MESD: variants seen among roughly 807,000 people sequenced by gnomAD.
MESD encodes mesoderm development LRP chaperone.
In MESD, 7 loss-of-function variants were observed where a neutral mutation model predicts 12.9. That is an observed-to-expected ratio of 0.54 (90% CI 0.31 to 1.02). The LOEUF (loss-of-function observed/expected upper bound fraction) is 1.02, where lower values mean the gene tolerates loss of function less well. MESD is among the 50% of genes least tolerant of loss of function. MESD has a pLI of 0.05. For synonymous variants in MESD, 126 were observed against 115.6 expected (o/e 1.09, Z -0.58); for missense variants, 342 against 296.7 (o/e 1.15, Z -1.12).
At chr15:80,971,876 G>C (rs1341684101), downstream of MESD, among the ~76,000 whole-genome samples, 1 of 151,830 alleles carries the variant, frequency 6.6e-6, no homozygotes, top group African/African-American at 2.4e-5. Flanking sequence ...ATTAAGCCCG[G>C]GAGGTGAAGG....
intron 4 of MESD, chr15:80,948,942 T>A (rs1053904342): frequency 6.2e-7 from 1 of 1,614,114 alleles, no homozygotes; most frequent in Non-Finnish European, 8.5e-7. Flanking sequence ...TGCCGCCCGG[T>A]GCCACCTCGT....
Position 80,982,175 on chromosome 15 carries a change from T to A in MESD, c.221A>T (p.Asp74Val). The change falls in exon 2 of 3, where the codon GAT becomes GTT. Residue 74 changes from aspartate to valine, a missense_variant. Transcript: ENST00000261758. ...ARLLEQWEKDDDIEEGDLPEH... is the reference protein window; with the variant it reads ...ARLLEQWEKDVDIEEGDLPEH... ...TGGAAGATCTCCTTCTTCAATGTCA[T>A]CATCTTTCTATCAGATTAGGGGAAA... is the stretch of plus-strand genomic sequence containing the variant. 6.2e-7 allele frequency: 1 copy of A among 1,613,558 alleles called. No homozygotes were observed. Among genetic ancestry groups the A allele is most frequent in the Non-Finnish European group, 8.5e-7 (1 of 1,179,528 alleles).
chr15:80,948,706 T>TG, exon 5 of MESD: 4 of 1,559,906 alleles, frequency 2.6e-6, no homozygotes, highest in Non-Finnish European at 3.5e-6. Flanking sequence ...CTGGTGGGCG[T>TG]GGGGGGCTGG....
chr15:80,975,559 GAA>G (rs1902388176), downstream of MESD, among the ~76,000 whole-genome samples: 1 of 151,894 alleles, frequency 6.6e-6, no homozygotes, highest in African/African-American at 2.4e-5. Context: ...AGGGACACAG[GAA>G]AAAGTTTGTG....
chr15:80,978,238 T>C lies in MESD; in HGVS notation c.*981A>G, dbSNP rs1902472113. 1 of 152,198 alleles carries C rather than the reference T, an allele frequency of 6.6e-6. No individual in the cohort carries two copies. The highest frequency in any genetic ancestry group is 2.1e-4 in the South Asian group (1 of 4,832). The allele number at this position is 152,198 out of a possible 1,614,324, so 9.4% of individuals were successfully genotyped here. A position where few individuals can be genotyped will look rare whatever the true frequency, so the allele number is the denominator to read the frequency against. On this transcript the variant is annotated 3_prime_UTR_variant, in exon 3 of 3. Coordinates refer to ENST00000261758, the MANE Select transcript of MESD (RefSeq NM_015154.3). ...TACTTTTAATTTATTAAAATCACAA[T>C]TGAGGGTTTTTCCCAAAGAATTTTA... is the stretch of plus-strand genomic sequence containing the variant.
downstream of MESD, among the ~76,000 whole-genome samples, chr15:80,975,258 G>A (rs1567123619): frequency 1.3e-5 from 2 of 151,582 alleles, no homozygotes; most frequent in South Asian, 2.1e-4. Flanking sequence ...AGTGGTGCAT[G>A]CTTGTAGTCC....
chr15:80,982,313 G>A, intron 1 of MESD, 131 bp from the exon 2 acceptor site: 3 of 700,632 alleles, frequency 4.3e-6, no homozygotes, highest in Non-Finnish European at 4.8e-6. Flanking sequence ...GGAAAACCAG[G>A]GGTTTTCTTC....
downstream of MESD, among the ~76,000 whole-genome samples, chr15:80,973,397 G>C (rs892840287): frequency 1.3e-5 from 2 of 151,948 alleles, no homozygotes; most frequent in African/African-American, 4.8e-5. Context: ...AAATTCGCCG[G>C]GTGTAGTGGC....
At chr15:80,973,043 A>T (rs979626029), downstream of MESD, among the ~76,000 whole-genome samples, 3 of 152,066 alleles carry the variant, frequency 2.0e-5, no homozygotes, top group African/African-American at 7.2e-5. Context: ...AAACAAAAAA[A>T]ACAAAAACCT....
intron 1 of MESD, among the ~76,000 whole-genome samples, chr15:80,985,922 T>C (rs1455353204): frequency 6.6e-6 from 1 of 152,118 alleles, no homozygotes; most frequent in African/African-American, 2.4e-5. Flanking sequence ...TCCAAAGTGC[T>C]GGGGTTACAG....
rs1021983515 is a variant in MESD at position 80,979,537 on chromosome 15, G to A, written c.447-60C>T. On this transcript the variant is annotated intron_variant, in intron 2 of 2. Transcript: ENST00000261758. ...GTACTAGTAAGGTGCTAAGGGGTCA[G>A]AGCAATTCTCTGGCACTTATCAGTT... 1.8e-5 allele frequency: 28 copies of A among 1,547,208 alleles called. No individual in the cohort carries two copies. In the African/African-American group the frequency reaches 3.9e-4, roughly 21 times the overall value.
intron 4 of MESD, chr15:80,949,827 T>G (rs976814008): frequency 7.2e-5 from 11 of 152,122 alleles, no homozygotes; most frequent in Non-Finnish European, 4.4e-5. Context: ...CTTACAGGAA[T>G]GAAGGCTGGG....
At chr15:80,956,212 T>TA (rs1166873983) in intron 3 of MESD, among the ~76,000 whole-genome samples, 1 of 151,736 alleles carries the variant, frequency 6.6e-6, no homozygotes, top group Non-Finnish European at 1.5e-5. Context: ...TAAAATAAAA[T>TA]AAAAAAGACC....
In MESD at chr15:80,982,042, G is replaced by A. The variant is rs767398679; in HGVS notation, c.354C>T (p.Val118=). Residue 118 remains valine, a synonymous_variant, in exon 2 of 3, where the codon GTC becomes GTT. Coordinates refer to ENST00000261758, the MANE Select transcript of MESD (RefSeq NM_015154.3). The part of the protein sequence containing the change: ...TKKGKTLMMF[V]TVSGSPTEKE... ...TCTCAGTAGGGCTTCCTGATACAGT[G>A]ACAAACATCATGAGAGTCTTCCCTT... The A allele has an allele frequency of 5.6e-6, 9 of 1,614,008 alleles. No homozygotes were observed. Among genetic ancestry groups the A allele is most frequent in the Non-Finnish European group, 7.6e-6 (9 of 1,180,026 alleles).
At chr15:80,987,369 T>TAC in intron 1 of MESD, among the ~76,000 whole-genome samples, 1 of 152,328 alleles carries the variant, frequency 6.6e-6, no homozygotes, top group African/African-American at 2.4e-5. Context: ...GTAGAGCGTC[T>TAC]ACAAACATTA....
At position 80,959,251 on chromosome 15, in the gene MESD, G is replaced by A. The variant is rs547445377; in HGVS notation, c.*289-6955C>T. On this transcript the variant is annotated intron_variant, in intron 3 of 4. Transcript: ENST00000561312. ...AGGGTAGAGGTTGAAGGTGCCTCTC[G>A]CCCAGAGATGACCGAAGGTAGATGG... Among the ~76,000 whole-genome samples the A allele has an allele frequency of 1.8e-3, 276 of 152,292 alleles. 1 individual carries two copies. The highest frequency in any genetic ancestry group is 5.6e-3 in the African/African-American group (234 of 41,550).
rs145361963 is a variant in MESD at position 80,964,947 on chromosome 15, T to A, written c.*289-12651A>T. 8.3e-3 allele frequency among the ~76,000 whole-genome samples: 1,256 copies of A among 152,182 alleles called. 20 individuals carry two copies. The highest frequency in any genetic ancestry group is 0.029 in the African/African-American group (1,201 of 41,532). Reference sequence around the variant, plus strand: ...AAGCAATGGCAACTAAAGCCAAAATTGACAAATGGGATCTAATTAAATTAA... The same window carrying A: ...AAGCAATGGCAACTAAAGCCAAAATAGACAAATGGGATCTAATTAAATTAA... On this transcript the variant is annotated intron_variant, in intron 3 of 4. Coordinates refer to the MESD transcript ENST00000561312.
intron 4 of MESD, chr15:80,949,274 G>A (rs981811174): frequency 7.1e-5 from 27 of 379,834 alleles, no homozygotes; most frequent in African/African-American, 5.6e-4. Flanking sequence ...TTTGGCAGGA[G>A]CCCTGACCCA....
downstream of MESD, among the ~76,000 whole-genome samples, chr15:80,971,739 G>C (rs182888440): frequency 6.6e-6 from 1 of 151,036 alleles, no homozygotes; most frequent in Admixed American, 6.6e-5. Context: ...AGATCCTCCC[G>C]CCTCAACCTC....
Sources: allele counts gnomAD v4.1 joint callset (sites outside exome capture counted in the v4.1 genomes callset), GRCh38; gene constraint gnomAD v4.1.1; transcripts MANE v1.5; gene names NCBI Gene and HGNC (gene_info 2026-07-23, HGNC 2026-07-21).